CCDC121: variants seen among roughly 807,000 people sequenced by gnomAD.
CCDC121 encodes coiled-coil domain-containing protein 121.
For synonymous variants in CCDC121, 108 were observed against 120.0 expected (o/e 0.90, Z 0.65); for missense variants, 238 against 304.1 (o/e 0.78, Z 1.62).
chr2:27,628,563 C>T, intron 1 of CCDC121: 1 of 1,551,568 alleles, frequency 6.4e-7, no homozygotes, highest in Non-Finnish European at 8.7e-7. Context: ...CAAAGGGTCT[C>T]GGTGCTGCCC....
At position 27,629,003 on chromosome 2, in the gene CCDC121, A is replaced by G; in HGVS notation, c.-172T>C. ...TCGTTCGCAGCCCAGAACATTGCGG[A>G]AGTTTCTCTACCCATGCGGTGTCTC... On this transcript the variant is annotated 5_prime_UTR_variant, in exon 1 of 2. Coordinates refer to ENST00000324364, the MANE Select transcript of CCDC121 (RefSeq NM_024584.5). 6.2e-7 allele frequency: 1 copy of G among 1,609,300 alleles called. No homozygotes were observed. The highest frequency in any genetic ancestry group is 1.7e-5 in the Admixed American group (1 of 59,192).
At chr2:27,628,546 C>T (rs975168928) in intron 1 of CCDC121, 1 of 1,551,496 alleles carries the variant, frequency 6.4e-7, no homozygotes, top group Admixed American at 2.0e-5. Flanking sequence ...TTTATTCGTT[C>T]GGTGCTCAAA....
rs1447608087 is a variant in CCDC121, at chr2:27,625,721, A to C, written c.*1242T>G. The stretch of plus-strand genomic sequence containing the variant: ...TTAACAGAAAAGTTGTTAAAGCTAC[A>C]AGGTAAAGGCACATTGAAGGAGAAT... On this transcript the variant is annotated 3_prime_UTR_variant, in exon 2 of 2. Coordinates refer to ENST00000324364, the MANE Select transcript of CCDC121 (RefSeq NM_024584.5). The C allele has an allele frequency of 6.6e-6, 1 of 152,350 alleles. No homozygotes were observed. Among genetic ancestry groups the C allele is most frequent in the Non-Finnish European group, 1.5e-5 (1 of 68,038 alleles). 9.4% of individuals were successfully genotyped at this position (152,350 alleles called of 1,614,324 possible).
In CCDC121 at chr2:27,627,416, T is replaced by C; in HGVS notation, c.384A>G (p.Thr128=). The C allele has an allele frequency of 6.2e-7, 1 of 1,614,250 alleles. No individual in the cohort carries two copies. The highest frequency in any genetic ancestry group is 8.5e-7 in the Non-Finnish European group (1 of 1,180,046). Residue 128 remains threonine (T), a synonymous_variant, in exon 2 of 2, where the codon ACA becomes ACG. Transcript: ENST00000324364. The stretch of plus-strand genomic sequence containing the variant: ...AAGCTGTCTCAGCTTGGACTTTCTT[T>C]GTCTCCTCCTGTAATGTCTGTATTT... The part of the protein sequence containing the change: ...EKEIQTLQEE[T]KKVQAETASK...
chr2:27,628,784 G>C, intron 1 of CCDC121, 166 bp downstream of exon 1: 1 of 1,522,580 alleles, frequency 6.6e-7, no homozygotes, highest in Non-Finnish European at 8.8e-7. Context: ...CTTCCTCCGG[G>C]AGACAAAAGC....
chr2:27,625,861 T>C lies in CCDC121; in HGVS notation c.*1102A>G, dbSNP rs1183043278. The stretch of plus-strand genomic sequence containing the variant: ...AACAATTTCTGGGAAACAAAGTTCA[T>C]CCTATTTTCCCATAGAGGACCCCTG... On this transcript the variant is annotated 3_prime_UTR_variant, in exon 2 of 2. Coordinates refer to ENST00000324364, the MANE Select transcript of CCDC121 (RefSeq NM_024584.5). 1 of 152,292 alleles carries C rather than the reference T, an allele frequency of 6.6e-6. No homozygotes were observed. Among genetic ancestry groups the C allele is most frequent in the Non-Finnish European group, 1.5e-5 (1 of 68,012 alleles). The allele number at this position is 152,292 out of a possible 1,614,324, so 9.4% of individuals were successfully genotyped here. A position where few individuals can be genotyped will look rare whatever the true frequency, so the allele number is the denominator to read the frequency against.
At chr2:27,628,877 C>CGA (rs1673402081) in intron 1 of CCDC121, 73 bp downstream of exon 1, 3 of 1,465,154 alleles carry the variant, frequency 2.0e-6, no homozygotes, top group Non-Finnish European at 2.7e-6. Flanking sequence ...CACTTCCTCG[C>CGA]CACTGTCACT....
Position 27,627,150 on chromosome 2 carries a change from G to C in CCDC121, c.650C>G (p.Thr217Arg), listed in dbSNP as rs757880782. The C allele has an allele frequency of 2.1e-5, 34 of 1,613,824 alleles. No homozygotes were observed. Among genetic ancestry groups the C allele is most frequent in the Non-Finnish European group, 1.5e-5 (18 of 1,179,846 alleles). ...LQLIEQAQKL[T>R]ATQSHLENRK... is the part of the protein sequence containing the mutation. ...GTTTTCTAAGTGGCTTTGAGTAGCC[G>C]TTAGTTTCTGGGCTTGCTCAATTAG... Residue 217 changes from threonine to arginine, a missense_variant, in exon 2 of 2, where the codon ACG becomes AGG. Coordinates refer to ENST00000324364, the MANE Select transcript of CCDC121 (RefSeq NM_024584.5).
chr2:27,627,806 C>T lies in CCDC121; in HGVS notation c.-7G>A, dbSNP rs1673340068. The T allele has an allele frequency of 6.2e-7, 1 of 1,613,964 alleles. No individual in the cohort carries two copies. The highest frequency in any genetic ancestry group is 1.3e-5 in the African/African-American group (1 of 74,880). ...GCTTGTTCAGATCCGTCATTTCCGC[C>T]ACTATCTTTTCTTTAAGCCTTGTCT... On this transcript the variant is annotated 5_prime_UTR_variant, in exon 2 of 2. Coordinates refer to ENST00000324364, the MANE Select transcript of CCDC121 (RefSeq NM_024584.5).
chr2:27,628,462 G>A, intron 1 of CCDC121: 1 of 1,551,518 alleles, frequency 6.4e-7, no homozygotes, highest in Non-Finnish European at 8.7e-7. Context: ...GACTGCCAAG[G>A]AATGAGCGCT....
rs764692522 is a variant in CCDC121, at chr2:27,627,119, C to G, written c.681G>C (p.Lys227Asn). The G allele has an allele frequency of 8.7e-6, 14 of 1,614,110 alleles. No homozygotes were observed. Among genetic ancestry groups the G allele is most frequent in the Non-Finnish European group, 1.1e-5 (13 of 1,179,968 alleles). Residue 227 changes from lysine (K) to asparagine (N), a missense_variant, in exon 2 of 2, where the codon AAG becomes AAC. By Grantham distance (94) the Lys-to-Asn change is moderately conservative (BLOSUM62 0). Coordinates refer to ENST00000324364, the MANE Select transcript of CCDC121 (RefSeq NM_024584.5). ...TATQSHLENR[K>N]QQLQQEQWYL... ...ACCACTGTTCCTGCTGCAGCTGCTG[C>G]TTCCTGTTTTCTAAGTGGCTTTGAG...
rs1673294244 is a variant in CCDC121, at chr2:27,626,876, TG to T, written c.*86del. The T allele has an allele frequency of 2.1e-6, 2 of 939,396 alleles. No homozygotes were observed. The highest frequency in any genetic ancestry group is 3.2e-6 in the Non-Finnish European group (2 of 615,424). The allele number at this position is 939,396 out of a possible 1,614,324, so 58.2% of individuals were successfully genotyped here. ...TGATGGAGATTTTACAATAGCAATC[TG>T]GAATCCAACAGCCTTTCTAACCAGG... On this transcript the variant is annotated 3_prime_UTR_variant, in exon 2 of 2. Coordinates refer to ENST00000324364, the MANE Select transcript of CCDC121 (RefSeq NM_024584.5).
intron 1 of CCDC121, chr2:27,628,717 A>G: frequency 1.3e-6 from 2 of 1,551,310 alleles, no homozygotes; most frequent in South Asian, 1.2e-5. Flanking sequence ...AATGACAGGC[A>G]TGCTCCTCGT....
Position 27,627,088 on chromosome 2 carries a change from C to G in CCDC121, c.712G>C (p.Glu238Gln). The change falls in exon 2 of 2, where the codon GAG (glutamate) becomes CAG (glutamine). Residue 238 changes from glutamate to glutamine, a missense_variant. Coordinates refer to ENST00000324364, the MANE Select transcript of CCDC121 (RefSeq NM_024584.5). ...CTCTGCCTCGCCTGGATTAAGGACTCCAGATACCACTGTTCCTGCTGCAGC... is the reference window on the plus strand; with the variant it reads ...CTCTGCCTCGCCTGGATTAAGGACTGCAGATACCACTGTTCCTGCTGCAGC... The part of the protein sequence containing the change: ...QQLQQEQWYL[E>Q]SLIQARQRLQ... 1 of 1,614,146 alleles carries G rather than the reference C, an allele frequency of 6.2e-7. No individual in the cohort carries two copies. The highest frequency in any genetic ancestry group is 8.5e-7 in the Non-Finnish European group (1 of 1,180,032).
chr2:27,626,209 C>G lies in CCDC121; in HGVS notation c.*754G>C, dbSNP rs1178476410. ...CGATGGCACTTAAAAAAAAAGTTGT[C>G]CAAATATTTCAACTTTTTTTGGATA... On this transcript the variant is annotated 3_prime_UTR_variant, in exon 2 of 2. Coordinates refer to ENST00000324364, the MANE Select transcript of CCDC121 (RefSeq NM_024584.5). The G allele has an allele frequency of 1.3e-5, 2 of 152,206 alleles. No individual in the cohort carries two copies. Among genetic ancestry groups the G allele is most frequent in the East Asian group, 3.7e-4 (2 of 5,340 alleles). 9.4% of individuals were successfully genotyped at this position (152,206 alleles called of 1,614,324 possible). A position where few individuals can be genotyped will look rare whatever the true frequency, so the allele number is the denominator to read the frequency against.
intron 1 of CCDC121, 138 bp from the exon 2 acceptor site, chr2:27,628,055 A>G (rs779742285): frequency 1.2e-4 from 84 of 681,616 alleles, no homozygotes; most frequent in Non-Finnish European, 2.0e-4. Context: ...TGGGGAATCC[A>G]GCTAGTGGTA....
chr2:27,627,163 C>T lies in CCDC121; in HGVS notation c.637G>A (p.Ala213Thr). 1.2e-6 allele frequency: 2 copies of T among 1,614,012 alleles called. No homozygotes were observed. Among genetic ancestry groups the T allele is most frequent in the Non-Finnish European group, 1.7e-6 (2 of 1,179,886 alleles). The change falls in exon 2 of 2, where the codon GCC becomes ACC. Residue 213 changes from alanine to threonine, a missense_variant. Coordinates refer to ENST00000324364, the MANE Select transcript of CCDC121 (RefSeq NM_024584.5). Reference sequence around the variant, plus strand: ...CTTTGAGTAGCCGTTAGTTTCTGGGCTTGCTCAATTAGCTGCAGTAATTCC... The same window carrying T: ...CTTTGAGTAGCCGTTAGTTTCTGGGTTTGCTCAATTAGCTGCAGTAATTCC... The part of the protein sequence containing the change: ...KKELLQLIEQ[A>T]QKLTATQSHL...
Position 27,626,795 on chromosome 2 carries a change from A to C in CCDC121, c.*168T>G. The C allele has an allele frequency of 1.8e-6, 1 of 554,018 alleles. No homozygotes were observed. Among genetic ancestry groups the C allele is most frequent in the South Asian group, 3.2e-5 (1 of 30,982 alleles). 34.3% of individuals were successfully genotyped at this position (554,018 alleles called of 1,614,324 possible). The stretch of plus-strand genomic sequence containing the variant: ...AGCTAGTTAAGGGAAGCTGGTTACC[A>C]AATATCTAGTAGGACTGTTGGATAA... On this transcript the variant is annotated 3_prime_UTR_variant, in exon 2 of 2. Coordinates refer to ENST00000324364, the MANE Select transcript of CCDC121 (RefSeq NM_024584.5).
In CCDC121 at chr2:27,626,999, A is replaced by G. The variant is rs764815968; in HGVS notation, c.801T>C (p.Leu267=). The change falls in exon 2 of 2, where the codon CTT becomes CTC. Residue 267 remains leucine (L), a synonymous_variant. Coordinates refer to ENST00000324364, the MANE Select transcript of CCDC121 (RefSeq NM_024584.5). ...RQDVPKTTPS[L]PQGTKSRINP... is the part of the protein sequence containing the mutation. ...TAATCCTTGATTTGGTGCCTTGGGGAAGACTGGGTGTGGTCTTTGGAACAT... is the reference window on the plus strand; with the variant it reads ...TAATCCTTGATTTGGTGCCTTGGGGGAGACTGGGTGTGGTCTTTGGAACAT... The G allele has an allele frequency of 1.9e-6, 3 of 1,609,710 alleles. No individual in the cohort carries two copies. Among genetic ancestry groups the G allele is most frequent in the East Asian group, 4.5e-5 (2 of 44,828 alleles).
Sources: gnomAD v4.1 joint callset for allele counts on GRCh38, gnomAD v4.1.1 for gene constraint, MANE v1.5 for transcripts, NCBI Gene and HGNC (gene_info 2026-07-23, HGNC 2026-07-21) for gene names.